The following GHR variants were observed in gnomAD, a reference collection of about 807,000 sequenced individuals.
GHR encodes GH receptor.
GHR carries 35 observed loss-of-function variants against 67.1 expected under a neutral mutation model. The ratio of observed to expected loss-of-function variants is 0.52; its 90% confidence interval spans 0.40 to 0.69. GHR has a LOEUF of 0.69. Among genes scored for constraint, GHR ranks in the 30% least tolerant of loss-of-function variants. GHR has a pLI of 0.00. For synonymous variants in GHR, 272 were observed against 269.1 expected (o/e 1.01, Z -0.10); for missense variants, 792 against 764.6 (o/e 1.04, Z -0.42).
chr5:42,589,843 A>T (rs1330904562), intron 2 of GHR, among the ~76,000 whole-genome samples: 2 of 152,226 alleles, frequency 1.3e-5, no homozygotes, highest in Admixed American at 6.5e-5. Context: ...GGTTACCATT[A>T]CATGGAAAGA....
chr5:42,503,126 C>T (rs1746610787), intron 1 of GHR, among the ~76,000 whole-genome samples: 1 of 152,176 alleles, frequency 6.6e-6, no homozygotes. Context: ...TATAGAGCTC[C>T]TTTTGCCCTT....
chr5:42,474,565 G>A (rs60866141), intron 1 of GHR, among the ~76,000 whole-genome samples: 5,291 of 152,110 alleles, frequency 0.035, 216 homozygotes, highest in East Asian at 0.21. Context: ...GCATATCTGC[G>A]TGTCTGTCTG....
chr5:42,601,175 G>T (rs141029629), intron 2 of GHR, among the ~76,000 whole-genome samples: 1 of 151,552 alleles, frequency 6.6e-6, no homozygotes, highest in African/African-American at 2.4e-5. Flanking sequence ...GATCCGCCCC[G>T]CTCAGCCTCC....
At chr5:42,684,038 T>A (rs1439457227) in intron 3 of GHR, among the ~76,000 whole-genome samples, 2 of 152,228 alleles carry the variant, frequency 1.3e-5, no homozygotes, top group Non-Finnish European at 2.9e-5. Flanking sequence ...AGTTTATTAT[T>A]CTTGCTATTA....
chr5:42,483,320 G>A (rs1180977909), intron 1 of GHR, among the ~76,000 whole-genome samples: 1 of 152,108 alleles, frequency 6.6e-6, no homozygotes, highest in Non-Finnish European at 1.5e-5. Flanking sequence ...CCAAAGTGCT[G>A]AAATTACAGG....
Position 42,459,907 on chromosome 5 carries a change from A to G in GHR, c.-12+35952A>G, listed in dbSNP as rs184449811. Reference sequence around the variant, plus strand: ...CACCATGGTTCAAATCTTGGCTCTTATCATTTTTTAGCCACGTGTCATGGA... The same window carrying G: ...CACCATGGTTCAAATCTTGGCTCTTGTCATTTTTTAGCCACGTGTCATGGA... On this transcript the variant is annotated intron_variant, in intron 1 of 9. Transcript: ENST00000230882. 3.9e-5 allele frequency among the ~76,000 whole-genome samples: 6 copies of G among 152,270 alleles called. No homozygotes were observed. The East Asian group carries it at 1.2e-3, about 29-fold the overall frequency.
intron 3 of GHR, among the ~76,000 whole-genome samples, chr5:42,644,694 T>C (rs952054659): frequency 2.6e-5 from 4 of 152,002 alleles, no homozygotes; most frequent in African/African-American, 9.7e-5. Context: ...CATACCTAGA[T>C]AGTTATGGGT....
At chr5:42,429,278 C>T (rs905652781) in intron 1 of GHR, among the ~76,000 whole-genome samples, 4 of 152,132 alleles carry the variant, frequency 2.6e-5, no homozygotes, top group African/African-American at 7.2e-5. Context: ...TAATCACTAT[C>T]GCAAGAACAG....
intron 4 of GHR, among the ~76,000 whole-genome samples, chr5:42,692,682 T>C (rs1053356387): frequency 3.9e-5 from 6 of 151,980 alleles, no homozygotes; most frequent in African/African-American, 1.5e-4. Context: ...CTAAACAGGG[T>C]TTTTTAAACA....
intron 1 of GHR, among the ~76,000 whole-genome samples, chr5:42,475,046 G>A (rs1745241078): frequency 6.6e-6 from 1 of 151,714 alleles, no homozygotes. Context: ...ACCACACCTG[G>A]CTAATTTTTG....
intron 1 of GHR, among the ~76,000 whole-genome samples, chr5:42,455,696 C>T (rs1316361077): frequency 6.6e-6 from 1 of 152,176 alleles, no homozygotes; most frequent in African/African-American, 2.4e-5. Context: ...GTAAATCTTA[C>T]ATGATGGTCA....
Position 42,424,429 on chromosome 5 carries a change from G to A in GHR, c.-12+474G>A, listed in dbSNP as rs951059071. ...GCCGAGGCTGCTGCTGTTGCGCGGG[G>A]AAGAATCCCCGGCAGCGCGACTGGA... is the stretch of plus-strand genomic sequence containing the variant. On this transcript the variant is annotated intron_variant, in intron 1 of 9. Coordinates refer to ENST00000230882, the MANE Select transcript of GHR (RefSeq NM_000163.5). The surrounding 1 kb of genome is among the most constrained non-coding windows in gnomAD (Gnocchi z 4.1). 2 of 629,878 alleles carry A rather than the reference G, an allele frequency of 3.2e-6. No individual in the cohort carries two copies. Among genetic ancestry groups the A allele is most frequent in the East Asian group, 5.5e-5 (2 of 36,198 alleles). The allele number at this position is 629,878 out of a possible 1,614,324, so 39.0% of individuals were successfully genotyped here.
intron 1 of GHR, among the ~76,000 whole-genome samples, chr5:42,429,530 G>C (rs765811863): frequency 6.6e-6 from 1 of 152,048 alleles, no homozygotes; most frequent in Non-Finnish European, 1.5e-5. Flanking sequence ...ATTTCATTAC[G>C]CTCTTGATTA....
chr5:42,430,314 C>T (rs1281403955), intron 1 of GHR, among the ~76,000 whole-genome samples: 1 of 152,110 alleles, frequency 6.6e-6, no homozygotes, highest in Non-Finnish European at 1.5e-5. Flanking sequence ...CCCCTTGCCA[C>T]CAAGCTAAGA....
At chr5:42,474,289 G>A (rs374384488) in intron 1 of GHR, among the ~76,000 whole-genome samples, 21 of 24,050 alleles carry the variant, frequency 8.7e-4, no homozygotes, top group African/African-American at 2.2e-3. Flanking sequence ...GAAAGAAAAA[G>A]AGAAAGAGAA....
At chr5:42,664,000 CA>C (rs1234555451) in intron 3 of GHR, among the ~76,000 whole-genome samples, 2 of 152,054 alleles carry the variant, frequency 1.3e-5, no homozygotes, top group Non-Finnish European at 2.9e-5. Flanking sequence ...ACAATTGCTT[CA>C]AAGAGAATAA....
chr5:42,465,662 C>A (rs1045781527), intron 1 of GHR: 2 of 871,776 alleles, frequency 2.3e-6, no homozygotes, highest in Admixed American at 3.4e-5. Context: ...TCTGCTACCT[C>A]CACGTTACAG....
At chr5:42,460,781 A>G (rs1744456814) in intron 1 of GHR, among the ~76,000 whole-genome samples, 1 of 152,232 alleles carries the variant, frequency 6.6e-6, no homozygotes, top group Non-Finnish European at 1.5e-5. Context: ...AATGAAGGCT[A>G]TATTAATACC....
intron 3 of GHR, among the ~76,000 whole-genome samples, chr5:42,665,762 A>G (rs1348297650): frequency 6.9e-6 from 1 of 144,076 alleles, no homozygotes; most frequent in Non-Finnish European, 1.6e-5. Context: ...TAAAAGAAAA[A>G]AAAAGAAAAA....
Sources: allele counts gnomAD v4.1 joint callset (sites outside exome capture counted in the v4.1 genomes callset), GRCh38; gene constraint gnomAD v4.1.1; non-coding constraint Gnocchi (gnomAD v3.1); transcripts MANE v1.5; gene names NCBI Gene and HGNC (gene_info 2026-07-23, HGNC 2026-07-21).